PKD2L2: variants seen among roughly 807,000 people sequenced by gnomAD.
PKD2L2 encodes the protein polycystin 2 like 2, transient receptor potential cation channel.
PKD2L2 carries 67 observed loss-of-function variants against 83.9 expected under a neutral mutation model. The ratio of observed to expected loss-of-function variants is 0.80; its 90% CI spans 0.66 to 0.98. The LOEUF is 0.98. PKD2L2 is among the 50% of genes least tolerant of loss of function. PKD2L2 has a pLI of 0.00. For synonymous variants in PKD2L2, 223 were observed against 237.8 expected (o/e 0.94, Z 0.57); for missense variants, 632 against 717.2 (o/e 0.88, Z 1.36).
chr5:137,908,181 A>G (rs1443995248), intron 7 of PKD2L2, among the ~76,000 whole-genome samples: 1 of 151,966 alleles, frequency 6.6e-6, no homozygotes, highest in Non-Finnish European at 1.5e-5. Context: ...TGGTGGTGCA[A>G]GCCTGTAGTT....
chr5:137,899,098 T>C (rs567172320), intron 4 of PKD2L2, among the ~76,000 whole-genome samples: 56 of 152,228 alleles, frequency 3.7e-4, no homozygotes, highest in South Asian at 1.2e-3. Flanking sequence ...ACTACTTTTG[T>C]TTTGGTTTTT....
At chr5:137,899,006 G>A (rs193222945) in intron 4 of PKD2L2, among the ~76,000 whole-genome samples, 6 of 152,258 alleles carry the variant, frequency 3.9e-5, no homozygotes, top group South Asian at 2.1e-4. Flanking sequence ...TAATTAAATC[G>A]TAATCCTTTA....
intron 6 of PKD2L2, 50 bp downstream of exon 6, chr5:137,906,484 C>A: frequency 1.1e-6 from 1 of 870,244 alleles, no homozygotes; most frequent in Non-Finnish European, 1.8e-6. Flanking sequence ...TCTGAACCTA[C>A]CAATGAAGGA....
rs1341534853 is a variant in PKD2L2, at chr5:137,920,706, G to A, written c.1329-930G>A. On this transcript the variant is annotated intron_variant, in intron 8 of 14. Coordinates refer to ENST00000508883, the MANE Select transcript of PKD2L2 (RefSeq NM_001300921.2). ...CGGGAGGCAGAGGTTGTGGTGAGCC[G>A]AGATCGTGCCATTGCACTCCAGCCT... 6.0e-5 allele frequency among the ~76,000 whole-genome samples: 9 copies of A among 150,520 alleles called. No homozygotes were observed. The South Asian group carries it at 1.7e-3, about 28-fold the overall frequency.
chr5:137,897,927 CTGTAA>C (rs2150006634), intron 4 of PKD2L2, among the ~76,000 whole-genome samples: 1 of 151,348 alleles, frequency 6.6e-6, no homozygotes, highest in South Asian at 2.1e-4. Context: ...TTTGGATATC[CTGTAA>C]TTAAATTAAA....
At chr5:137,895,703 C>A (rs1756395161) in intron 4 of PKD2L2, among the ~76,000 whole-genome samples, 1 of 151,878 alleles carries the variant, frequency 6.6e-6, no homozygotes. Context: ...CATGGTGAAA[C>A]CCCATCTCTA....
chr5:137,936,894 T>C (rs557998465), intron 14 of PKD2L2, among the ~76,000 whole-genome samples: 66 of 152,182 alleles, frequency 4.3e-4, no homozygotes, highest in Non-Finnish European at 5.3e-4. Flanking sequence ...CACTATACAA[T>C]CCATGCATAT....
rs201897416 is a variant in PKD2L2, at chr5:137,894,502, C to G, written c.417C>G (p.Asn139Lys). 498 of 1,613,668 alleles carry G rather than the reference C, an allele frequency of 3.1e-4. No individual in the cohort carries two copies. The highest frequency in any genetic ancestry group is 4.1e-4 in the Non-Finnish European group (481 of 1,179,744). ...PRVRQLKVRNNTCKVYSSFQS... is the reference protein window; with the variant it reads ...PRVRQLKVRNKTCKVYSSFQS... ...TTCGTCAACTAAAAGTCCGCAACAA[C>G]ACATGCAAAGTCTATTCATCTTTTC... The change falls in exon 4 of 15, where the codon AAC (asparagine) becomes AAG (lysine). Residue 139 changes from asparagine (N) to lysine (K), a missense_variant. Coordinates refer to ENST00000508883, the MANE Select transcript of PKD2L2 (RefSeq NM_001300921.2).
intron 2 of PKD2L2, among the ~76,000 whole-genome samples, chr5:137,891,699 T>C (rs1437865925): frequency 6.6e-6 from 1 of 151,234 alleles, no homozygotes; most frequent in African/African-American, 2.4e-5. Context: ...TTTTTTTTCT[T>C]TTTTTTTTCT....
chr5:137,931,142 T>A (rs1401810269), intron 12 of PKD2L2, among the ~76,000 whole-genome samples: 1 of 152,164 alleles, frequency 6.6e-6, no homozygotes, highest in Non-Finnish European at 1.5e-5. Flanking sequence ...AAATAAAATT[T>A]ATCAAAACTG....
intron 6 of PKD2L2, among the ~76,000 whole-genome samples, chr5:137,907,199 A>G (rs1195420711): frequency 6.6e-6 from 1 of 152,188 alleles, no homozygotes; most frequent in African/African-American, 2.4e-5. Flanking sequence ...TAACTCCACT[A>G]ATATCTTACA....
intron 8 of PKD2L2, among the ~76,000 whole-genome samples, chr5:137,911,992 T>C (rs994434292): frequency 6.6e-6 from 1 of 152,244 alleles, no homozygotes; most frequent in African/African-American, 2.4e-5. Flanking sequence ...ATTTCCTCCT[T>C]TTCAAAGATT....
At chr5:137,908,692 T>A in intron 7 of PKD2L2, 73 bp from the exon 8 acceptor site, 1 of 726,888 alleles carries the variant, frequency 1.4e-6, no homozygotes, top group Middle Eastern at 3.2e-4. Flanking sequence ...GCAGAATTCT[T>A]CTGAAATTAA....
chr5:137,922,063 T>C (rs1758954514), intron 9 of PKD2L2, among the ~76,000 whole-genome samples: 1 of 152,232 alleles, frequency 6.6e-6, no homozygotes, highest in African/African-American at 2.4e-5. Flanking sequence ...AATGTGGCCA[T>C]TAATATTCTG....
At chr5:137,900,308 T>G (rs543513731) in intron 5 of PKD2L2, among the ~76,000 whole-genome samples, 35 of 152,304 alleles carry the variant, frequency 2.3e-4, no homozygotes, top group African/African-American at 7.7e-4. Context: ...AAATTGTGTA[T>G]CTCAGTAAAA....
At position 137,935,885 on chromosome 5, in the gene PKD2L2, C is replaced by T; in HGVS notation, c.1760C>T (p.Pro587Leu). ...YSMEIQDDYQPVTQEEFRELF... is the reference protein window; with the variant it reads ...YSMEIQDDYQLVTQEEFRELF... ...ATGGAAATTCAAGATGACTACCAGC[C>T]TGTCACTCAAGAAGAATTTCGAGAG... Residue 587 changes from proline (P) to leucine (L), a missense_variant, in exon 13 of 15, where the codon CCT (proline) becomes CTT (leucine). Physicochemically the swap from Pro to Leu is moderately conservative, Grantham distance 98 (BLOSUM62 -3). Transcript: ENST00000508883. 3 of 1,592,810 alleles carry T rather than the reference C, an allele frequency of 1.9e-6. No individual in the cohort carries two copies. The highest frequency in any genetic ancestry group is 2.6e-6 in the Non-Finnish European group (3 of 1,160,842).
chr5:137,917,067 CCTTTCT>C (rs747567532), intron 8 of PKD2L2, among the ~76,000 whole-genome samples: 4 of 151,954 alleles, frequency 2.6e-5, no homozygotes, highest in African/African-American at 2.4e-5. Flanking sequence ...TCTCTCTGCA[CCTTTCT>C]CTTTCTCTTA....
At chr5:137,896,908 A>G (rs1756518248) in intron 4 of PKD2L2, among the ~76,000 whole-genome samples, 1 of 147,994 alleles carries the variant, frequency 6.8e-6, no homozygotes, top group African/African-American at 2.5e-5. Context: ...TTGAACTCCC[A>G]GGATTAATCA....
At chr5:137,889,608 C>A in intron 1 of PKD2L2, 86 bp downstream of exon 1, 2 of 1,232,128 alleles carry the variant, frequency 1.6e-6, no homozygotes, top group Non-Finnish European at 2.2e-6. Flanking sequence ...GCCCCAAATT[C>A]GTTTGAGAGA....
Sources: allele counts gnomAD v4.1 joint callset (sites outside exome capture counted in the v4.1 genomes callset), GRCh38; gene constraint gnomAD v4.1.1; transcripts MANE v1.5; gene names NCBI Gene and HGNC (gene_info 2026-07-23, HGNC 2026-07-21).